ZNF385B: variants seen among roughly 807,000 people sequenced by gnomAD.
The protein encoded by ZNF385B is zinc finger protein 385B.
Under a neutral mutation model 39.2 loss-of-function variants are expected in ZNF385B, and 23 were observed. The ratio of observed to expected loss-of-function variants is 0.59; its 90% CI spans 0.42 to 0.83. The LOEUF is 0.83. ZNF385B is among the 40% of genes least tolerant of loss of function. The pLI is 0.00. For missense variants in ZNF385B, 552 were observed against 598.9 expected (o/e 0.92, Z 0.82); for synonymous variants, 205 against 222.6 (o/e 0.92, Z 0.70).
intron 3 of ZNF385B, among the ~76,000 whole-genome samples, chr2:179,671,391 A>G (rs2106304078): frequency 6.6e-6 from 1 of 152,352 alleles, no homozygotes; most frequent in African/African-American, 2.4e-5. Flanking sequence ...GGAATTATTA[A>G]TAAAAGGGAA....
chr2:179,493,785 A>ATC (rs2055807890), intron 5 of ZNF385B, among the ~76,000 whole-genome samples: 1 of 109,222 alleles, frequency 9.2e-6, no homozygotes, highest in Non-Finnish European at 2.1e-5. Flanking sequence ...GTATATACAC[A>ATC]TATGTATACA....
intron 3 of ZNF385B, among the ~76,000 whole-genome samples, chr2:179,768,753 G>A (rs1173119225): frequency 6.6e-6 from 1 of 152,214 alleles, no homozygotes; most frequent in Non-Finnish European, 1.5e-5. Context: ...CTGTCACAGT[G>A]AAGATACCCA....
intron 3 of ZNF385B, among the ~76,000 whole-genome samples, chr2:179,735,747 T>C (rs950926163): frequency 5.3e-5 from 8 of 150,782 alleles, no homozygotes; most frequent in South Asian, 4.2e-4. Flanking sequence ...ATGGATGAAA[T>C]TGGAAATCAT....
intron 3 of ZNF385B, among the ~76,000 whole-genome samples, chr2:179,653,662 A>G (rs1430408050): frequency 1.3e-5 from 2 of 152,206 alleles, no homozygotes; most frequent in Non-Finnish European, 2.9e-5. Context: ...TATAAGAGAC[A>G]TAGAACCAAT....
chr2:179,794,191 C>T (rs1705511502), intron 1 of ZNF385B, among the ~76,000 whole-genome samples: 2 of 152,188 alleles, frequency 1.3e-5, no homozygotes, highest in Admixed American at 1.3e-4. Flanking sequence ...AAATCCATCT[C>T]CCTCTGGGAA....
In ZNF385B at chr2:179,443,214, T is replaced by C; in HGVS notation, c.*36A>G. 1.2e-6 allele frequency: 2 copies of C among 1,610,232 alleles called. No homozygotes were observed. Among genetic ancestry groups the C allele is most frequent in the Non-Finnish European group, 1.7e-6 (2 of 1,178,488 alleles). On this transcript the variant is annotated 3_prime_UTR_variant, in exon 10 of 10. Coordinates refer to ENST00000410066, the MANE Select transcript of ZNF385B (RefSeq NM_152520.6). ...ATCCTTGTGGCTTTCTTTCTCAACT[T>C]CCTACTGGCCTCAAACGTCTTGGGG...
intron 3 of ZNF385B, among the ~76,000 whole-genome samples, chr2:179,756,000 A>C (rs1399182811): frequency 6.6e-6 from 1 of 152,138 alleles, no homozygotes; most frequent in Non-Finnish European, 1.5e-5. Flanking sequence ...TATTTTGCTC[A>C]TTAGTTGATG....
intron 4 of ZNF385B, among the ~76,000 whole-genome samples, chr2:179,541,401 TATC>T: frequency 6.6e-6 from 1 of 152,182 alleles, no homozygotes; most frequent in Non-Finnish European, 1.5e-5. Flanking sequence ...CATATAATGT[TATC>T]ATACTTCACT....
intron 3 of ZNF385B, among the ~76,000 whole-genome samples, chr2:179,751,720 G>GA (rs1318261897): frequency 6.6e-6 from 1 of 151,850 alleles, no homozygotes; most frequent in East Asian, 1.9e-4. Flanking sequence ...ATAGCAGCAA[G>GA]AAAAAAATAA....
At chr2:179,723,734 G>T (rs971973436) in intron 3 of ZNF385B, among the ~76,000 whole-genome samples, 1 of 152,088 alleles carries the variant, frequency 6.6e-6, no homozygotes, top group African/African-American at 2.4e-5. Flanking sequence ...TTTTATTTTT[G>T]AATAAGGGGC....
At chr2:179,632,268 A>G (rs1039333920) in intron 3 of ZNF385B, among the ~76,000 whole-genome samples, 1 of 152,170 alleles carries the variant, frequency 6.6e-6, no homozygotes, top group Admixed American at 6.6e-5. Context: ...GCACCACATC[A>G]CACTTGTTCT....
intron 6 of ZNF385B, among the ~76,000 whole-genome samples, chr2:179,447,617 G>A (rs1393005090): frequency 2.6e-5 from 4 of 152,174 alleles, no homozygotes; most frequent in Non-Finnish European, 5.9e-5. Flanking sequence ...CTGGGGCTTT[G>A]TAAGCAACAG....
chr2:179,594,650 A>G (rs1687844435), intron 3 of ZNF385B, among the ~76,000 whole-genome samples: 2 of 152,312 alleles, frequency 1.3e-5, no homozygotes, highest in South Asian at 4.2e-4. Flanking sequence ...GTTATTTTTG[A>G]CACTAGTATT....
At chr2:179,800,596 T>C (rs947989642) in intron 1 of ZNF385B, among the ~76,000 whole-genome samples, 2 of 152,144 alleles carry the variant, frequency 1.3e-5, no homozygotes, top group African/African-American at 4.8e-5. Flanking sequence ...TTTCTTCTTT[T>C]CAATTAAATC....
At chr2:179,521,030 C>T (rs1022465235) in intron 4 of ZNF385B, among the ~76,000 whole-genome samples, 6 of 152,100 alleles carry the variant, frequency 3.9e-5, no homozygotes, top group African/African-American at 7.2e-5. Flanking sequence ...GATACATTTA[C>T]GAATATCTAG....
intron 3 of ZNF385B, among the ~76,000 whole-genome samples, chr2:179,662,352 TG>T (rs1256972887): frequency 6.7e-6 from 1 of 148,164 alleles, no homozygotes; most frequent in Non-Finnish European, 1.5e-5. Context: ...TTATAGTTTA[TG>T]GGTAATTTTT....
chr2:179,626,929 A>T (rs1259683253), intron 3 of ZNF385B, among the ~76,000 whole-genome samples: 2 of 152,174 alleles, frequency 1.3e-5, no homozygotes, highest in Non-Finnish European at 2.9e-5. Context: ...CATGCCAGAA[A>T]CATCTCCTCT....
chr2:179,499,102 TACTAATGTTG>T (rs1209368163), intron 5 of ZNF385B, among the ~76,000 whole-genome samples: 1 of 151,920 alleles, frequency 6.6e-6, no homozygotes, highest in Non-Finnish European at 1.5e-5. Flanking sequence ...ACATACTAAC[TACTAATGTTG>T]AACCAGGAAA....
intron 5 of ZNF385B, among the ~76,000 whole-genome samples, chr2:179,491,218 A>C (rs766448918): frequency 6.6e-6 from 1 of 152,236 alleles, no homozygotes. Context: ...TTCATCAAGA[A>C]GTATCTTGCT....
Sources: gnomAD v4.1 joint callset for allele counts (sites outside exome capture counted in the v4.1 genomes callset) on GRCh38, gnomAD v4.1.1 for gene constraint, MANE v1.5 for transcripts, NCBI Gene and HGNC (gene_info 2026-07-23, HGNC 2026-07-21) for gene names.